GLIS3: variants seen among roughly 807,000 people sequenced by gnomAD.
GLIS3 encodes the protein GLIS family zinc finger 3, also known as zinc finger protein GLIS3.
Under a neutral mutation model 78.6 loss-of-function variants are expected in GLIS3, and 53 were observed. That is an observed-to-expected ratio of 0.67 (90% confidence interval 0.54 to 0.85). GLIS3 has a LOEUF of 0.85. GLIS3 is among the 40% of genes least tolerant of loss of function. The pLI, the probability that GLIS3 is intolerant of heterozygous loss-of-function variation, is 0.00. For synonymous variants in GLIS3, 684 were observed against 509.9 expected (o/e 1.34, Z -4.60); for missense variants, 1,703 against 1,231.1 (o/e 1.38, Z -5.74).
chr9:3,937,254 C>CAA, intron 4 of GLIS3, 65 bp from the exon 5 acceptor site: 13 of 1,386,166 alleles, frequency 9.4e-6, no homozygotes, highest in Admixed American at 2.0e-5. Context: ...TGGGGGACAG[C>CAA]TAAAAAAAAA....
chr9:4,203,969 G>T (rs1819626835), intron 2 of GLIS3, among the ~76,000 whole-genome samples: 1 of 152,204 alleles, frequency 6.6e-6, no homozygotes, highest in Non-Finnish European at 1.5e-5. Flanking sequence ...TGGGGAAAGA[G>T]AAATGGGGCA....
intron 4 of GLIS3, among the ~76,000 whole-genome samples, chr9:4,026,454 A>G (rs1823356376): frequency 6.6e-6 from 1 of 152,242 alleles, no homozygotes; most frequent in African/African-American, 2.4e-5. Context: ...AAGCATAAAA[A>G]TCTATGTACT....
chr9:3,914,353 G>A (rs12238567), intron 6 of GLIS3, among the ~76,000 whole-genome samples: 14,140 of 138,002 alleles, frequency 0.1, 852 homozygotes, highest in East Asian at 0.18. Flanking sequence ...TTTTTGCAGA[G>A]GCAAGATCTC....
Position 4,002,924 on chromosome 9 carries a change from G to A in GLIS3, c.1711-65735C>T, listed in dbSNP as rs1032495331. On this transcript the variant is annotated intron_variant, in intron 4 of 10. Coordinates refer to ENST00000381971, the MANE Select transcript of GLIS3 (RefSeq NM_001042413.2). ...AGGCAAAGGTCAAGAGATCCACAAC[G>A]ACATGGCTCTGATACTGCTAAGTCA... Among the ~76,000 whole-genome samples, 8 of 152,176 alleles carry A rather than the reference G, an allele frequency of 5.3e-5. No individual in the cohort carries two copies. The East Asian group carries it at 7.7e-4, about 15-fold the overall frequency.
intron 1 of GLIS3, among the ~76,000 whole-genome samples, chr9:4,296,414 C>G (rs371484811): frequency 2.0e-5 from 3 of 152,098 alleles, no homozygotes; most frequent in African/African-American, 7.2e-5. Context: ...ATTATTTAAC[C>G]TCTCCTACCC....
intron 4 of GLIS3, among the ~76,000 whole-genome samples, chr9:3,966,365 C>A (rs543551345): frequency 4.0e-5 from 6 of 151,592 alleles, no homozygotes; most frequent in African/African-American, 1.5e-4. Context: ...TGAGCAAATT[C>A]CAAGAATTAT....
chr9:4,221,580 T>C (rs571324324), intron 2 of GLIS3, among the ~76,000 whole-genome samples: 1 of 151,548 alleles, frequency 6.6e-6, no homozygotes, highest in African/African-American at 2.4e-5. Context: ...CCTGACTTGA[T>C]TTTTTTTTCA....
the GLIS3 span, among the ~76,000 whole-genome samples, chr9:4,429,884 C>T: frequency 1.2e-4 from 18 of 152,078 alleles, no homozygotes; most frequent in Admixed American, 1.0e-3. Context: ...CTTGGATAAC[C>T]TTCTAAACAC....
intron 4 of GLIS3, among the ~76,000 whole-genome samples, chr9:4,097,951 G>A (rs539987761): frequency 3.9e-5 from 6 of 152,074 alleles, no homozygotes; most frequent in East Asian, 1.9e-4. Flanking sequence ...CTGTTCCATC[G>A]GTCTATTTTG....
chr9:4,222,997 A>C (rs1028649624), intron 2 of GLIS3, among the ~76,000 whole-genome samples: 1 of 152,180 alleles, frequency 6.6e-6, no homozygotes, highest in Non-Finnish European at 1.5e-5. Context: ...ATTAGGGAAC[A>C]AACAGCACTC....
At chr9:4,351,389 A>T (rs1319308455), upstream of GLIS3, among the ~76,000 whole-genome samples, 1 of 106,072 alleles carries the variant, frequency 9.4e-6, no homozygotes. Flanking sequence ...TGGGCAACAG[A>T]GTGTCTCAAA....
chr9:4,266,157 A>G, intron 2 of GLIS3, among the ~76,000 whole-genome samples: 1 of 151,882 alleles, frequency 6.6e-6, no homozygotes, highest in East Asian at 1.9e-4. Flanking sequence ...TGACCTCATG[A>G]TCCGCCTGCC....
chr9:4,252,452 C>T (rs539155988), intron 2 of GLIS3, among the ~76,000 whole-genome samples: 24 of 152,070 alleles, frequency 1.6e-4, no homozygotes, highest in African/African-American at 5.5e-4. Context: ...TTTTCAGTTC[C>T]ATCAGGTCAT....
intron 2 of GLIS3, among the ~76,000 whole-genome samples, chr9:4,128,965 T>A (rs1223040573): frequency 6.6e-6 from 1 of 152,180 alleles, no homozygotes. Context: ...ACAAATGGTG[T>A]CACAAATGGT....
chr9:4,130,509 C>G (rs1345949309), intron 2 of GLIS3, among the ~76,000 whole-genome samples: 4 of 152,246 alleles, frequency 2.6e-5, no homozygotes, highest in Admixed American at 6.5e-5. Context: ...GCAGCTCTAG[C>G]TCCAGTCTTG....
At chr9:4,148,885 C>G (rs574672548) in intron 2 of GLIS3, among the ~76,000 whole-genome samples, 1 of 152,240 alleles carries the variant, frequency 6.6e-6, no homozygotes, top group South Asian at 2.1e-4. Context: ...CCATTCTCCT[C>G]TCTCCTCCAC....
intron 2 of GLIS3, among the ~76,000 whole-genome samples, chr9:4,134,089 G>A (rs989872135): frequency 3.3e-5 from 5 of 152,170 alleles, no homozygotes; most frequent in African/African-American, 1.2e-4. Flanking sequence ...AAGAAAGACT[G>A]AAAGGAATTT....
the GLIS3 span, among the ~76,000 whole-genome samples, chr9:4,371,403 T>A: frequency 3.9e-5 from 6 of 152,214 alleles, no homozygotes; most frequent in African/African-American, 1.4e-4. Context: ...AGGCTCCTCC[T>A]CCCCATAAGT....
chr9:4,433,866 G>A, the GLIS3 span, among the ~76,000 whole-genome samples: 6 of 152,296 alleles, frequency 3.9e-5, no homozygotes, highest in South Asian at 2.1e-4. Flanking sequence ...GGAGGCCAAG[G>A]CAGGTGGATC....
Sources: gnomAD v4.1 joint callset for allele counts (sites outside exome capture counted in the v4.1 genomes callset) on GRCh38, gnomAD v4.1.1 for gene constraint, MANE v1.5 for transcripts, NCBI Gene and HGNC (gene_info 2026-07-23, HGNC 2026-07-21) for gene names.